The following C5 variants were observed in gnomAD, a reference collection of about 807,000 sequenced individuals.
C5 encodes the protein complement C5.
Under a neutral mutation model 218.8 loss-of-function variants are expected in C5, and 140 were observed. The ratio of observed to expected loss-of-function variants is 0.64; its 90% CI spans 0.56 to 0.74. The LOEUF (loss-of-function observed/expected upper bound fraction) is 0.74, where lower values mean the gene tolerates loss of function less well. Among genes scored for constraint, C5 ranks in the 30% least tolerant of loss-of-function variants. The pLI is 0.00. For synonymous variants in C5, 614 were observed against 682.3 expected (o/e 0.90, Z 1.56); for missense variants, 1,700 against 1,969.6 (o/e 0.86, Z 2.59).
At chr9:121,021,755 T>A in intron 10 of C5, 61 bp from the exon 11 acceptor site, 1 of 1,383,332 alleles carries the variant, frequency 7.2e-7, no homozygotes. Context: ...AAAGCACAAT[T>A]CTGAAATAAT....
rs779491895 is a variant in C5, at chr9:120,976,745, C to A, written c.3819G>T (p.Trp1273Cys). The A allele has an allele frequency of 6.2e-7, 1 of 1,614,112 alleles. No homozygotes were observed. The highest frequency in any genetic ancestry group is 1.1e-5 in the South Asian group (1 of 91,078). The change falls in exon 29 of 41, where the codon TGG (tryptophan) becomes TGT (cysteine). Residue 1273 changes from tryptophan to cysteine, a missense_variant. Transcript: ENST00000223642. Reference sequence around the variant, plus strand: ...CTCCATACCTCTGCTCTTCTGATAGCCATTTGATGACTGGGTTAACATAAT... The same window carrying A: ...CTCCATACCTCTGCTCTTCTGATAGACATTTGATGACTGGGTTAACATAAT... ...DINYVNPVIK[W>C]LSEEQRYGGG...
At chr9:120,957,254 T>G in intron 39 of C5, 31 bp downstream of exon 39, 1 of 1,449,230 alleles carries the variant, frequency 6.9e-7, no homozygotes, top group East Asian at 2.3e-5. Context: ...AGTTGCTGAA[T>G]GAAGGAACGA....
intron 26 of C5, among the ~76,000 whole-genome samples, chr9:120,982,378 G>A (rs1453485260): frequency 6.6e-6 from 1 of 152,090 alleles, no homozygotes; most frequent in African/African-American, 2.4e-5. Flanking sequence ...AATAAGCCCT[G>A]GGTCTATCTC....
At chr9:121,009,764 A>T (rs1368678806) in intron 17 of C5, among the ~76,000 whole-genome samples, 1 of 152,246 alleles carries the variant, frequency 6.6e-6, no homozygotes, top group Non-Finnish European at 1.5e-5. Flanking sequence ...GAGGGCAGGA[A>T]AGATAGTCTT....
chr9:121,048,760 G>T (rs7037330), intron 1 of C5, among the ~76,000 whole-genome samples: 114,224 of 144,006 alleles, frequency 0.79, 43,278 homozygotes, highest in East Asian at 0.96. Context: ...CTGCAGAGGA[G>T]CAGGAGCTTG....
At chr9:120,973,561 G>A (rs2046930303) in intron 30 of C5, among the ~76,000 whole-genome samples, 1 of 152,226 alleles carries the variant, frequency 6.6e-6, no homozygotes, top group Admixed American at 6.5e-5. Context: ...ATCAAGGGAA[G>A]TTGGGAATCA....
At chr9:120,978,604 A>G (rs1302323561) in intron 28 of C5, among the ~76,000 whole-genome samples, 2 of 152,240 alleles carry the variant, frequency 1.3e-5, no homozygotes, top group Non-Finnish European at 1.5e-5. Flanking sequence ...GGCACAAATC[A>G]TATTTTGTAG....
Position 121,017,772 on chromosome 9 carries a change from T to C in C5, c.1587A>G (p.Pro529=). The C allele has an allele frequency of 6.2e-7, 1 of 1,613,560 alleles. No homozygotes were observed. Among genetic ancestry groups the C allele is most frequent in the Non-Finnish European group, 8.5e-7 (1 of 1,179,526 alleles). ...SDASYQSINI[P]VTQNMVPSSR... ...ATGAAGGAACCATGTTCTGTGTTAC[T>C]GGAATGTTTATACTTTGATAAGATG... Residue 529 remains proline, a synonymous_variant, in exon 13 of 41, where the codon CCA becomes CCG. Transcript: ENST00000223642.
intron 25 of C5, among the ~76,000 whole-genome samples, chr9:120,984,744 C>G (rs1434187989): frequency 9.8e-6 from 1 of 101,548 alleles, no homozygotes; most frequent in Non-Finnish European, 1.8e-5. Flanking sequence ...TTTTTTCAGA[C>G]GGACTCTCTC....
chr9:120,997,481 C>T (rs1183117477), intron 21 of C5, 66 bp downstream of exon 21: 10 of 1,147,040 alleles, frequency 8.7e-6, no homozygotes, highest in African/African-American at 7.6e-5. Context: ...GTTTCTCTCC[C>T]CCCCCTTTCT....
rs763012703 is a variant in C5, at chr9:121,046,301, A to G, written c.148T>C (p.Phe50Leu). The G allele has an allele frequency of 6.2e-6, 10 of 1,610,304 alleles. No individual in the cohort carries two copies. Among genetic ancestry groups the G allele is most frequent in the Non-Finnish European group, 8.5e-6 (10 of 1,176,778 alleles). Reference sequence around the variant, plus strand: ...CTTTTAATAGAGATTGTTGCATCAAATGCTTCAGTGTATCCATAAACTTGA... The same window carrying G: ...CTTTTAATAGAGATTGTTGCATCAAGTGCTTCAGTGTATCCATAAACTTGA... ...VIQVYGYTEA[F>L]DATISIKSYP... Residue 50 changes from phenylalanine to leucine, a missense_variant, in exon 2 of 41, where the codon TTT becomes CTT. Transcript: ENST00000223642.
At chr9:120,966,986 G>C (rs978973766) in intron 33 of C5, among the ~76,000 whole-genome samples, 1 of 152,022 alleles carries the variant, frequency 6.6e-6, no homozygotes, top group Admixed American at 6.6e-5. Context: ...TAGGCTGAGC[G>C]TGGTGGCTCA....
chr9:121,008,433 A>G lies in C5; in HGVS notation c.2323T>C (p.Trp775Arg), dbSNP rs1338530780. The G allele has an allele frequency of 6.2e-7, 1 of 1,613,674 alleles. No homozygotes were observed. The highest frequency in any genetic ancestry group is 2.2e-5 in the East Asian group (1 of 44,836). The part of the protein sequence containing the change: ...IRSYFPESWL[W>R]EVHLVPRRKQ... ...CTTCTGGGAACAAGATGAACTTCCC[A>G]CAACCAGCTTTCTGGAAAATAACTC... Residue 775 changes from tryptophan to arginine, a missense_variant, in exon 18 of 41, where the codon TGG (tryptophan) becomes CGG (arginine). Transcript: ENST00000223642.
rs1175047327 is a variant in C5, at chr9:121,025,531, TTGAC to T, written c.919_922del (p.Val307LysfsTer8). On this transcript the variant is annotated frameshift_variant, in exon 9 of 41. Transcript: ENST00000223642. LOFTEE classifies it high-confidence loss of function. Reference sequence around the variant, plus strand: ...TTCTAAACTGTAGTATGACAGTTCTTTGACTGCTGTTTCAGAATCAAATGTGACT... The same window carrying T: ...TTCTAAACTGTAGTATGACAGTTCTTTGCTGTTTCAGAATCAAATGTGACT... 6.2e-7 allele frequency: 1 copy of T among 1,612,716 alleles called. No individual in the cohort carries two copies. The highest frequency in any genetic ancestry group is 1.3e-5 in the African/African-American group (1 of 74,986).
At chr9:120,974,647 C>T (rs560822168) in intron 30 of C5, 132 bp downstream of exon 30, 4 of 867,900 alleles carry the variant, frequency 4.6e-6, no homozygotes, top group Middle Eastern at 3.3e-4. Flanking sequence ...GCAGGCATCC[C>T]TGTTTAGGAC....
chr9:121,016,340 C>T lies in C5; in HGVS notation c.1910G>A (p.Gly637Asp). ...LEKSDLGCGA[G>D]GGLNNANVFH... is the part of the protein sequence containing the mutation. ...CACATTGGCATTGTTGAGGCCACCA[C>T]CTGCCCCACAGCCCAGATCACTCTT... The change falls in exon 15 of 41, where the codon GGT (glycine) becomes GAT (aspartate). Residue 637 changes from glycine (G) to aspartate (D), a missense_variant. Coordinates refer to ENST00000223642, the MANE Select transcript of C5 (RefSeq NM_001735.3). The T allele has an allele frequency of 6.2e-7, 1 of 1,614,084 alleles. No individual in the cohort carries two copies. The highest frequency in any genetic ancestry group is 1.1e-5 in the South Asian group (1 of 91,084).
intron 17 of C5, among the ~76,000 whole-genome samples, chr9:121,009,499 G>C (rs553023402): frequency 2.6e-5 from 4 of 152,224 alleles, no homozygotes; most frequent in Admixed American, 6.5e-5. Flanking sequence ...CCAGGAAGGA[G>C]GGGGCTGCAG....
At chr9:120,985,663 G>A (rs4837806) in intron 25 of C5, among the ~76,000 whole-genome samples, 97,260 of 151,922 alleles carry the variant, frequency 0.64, 31,259 homozygotes, top group East Asian at 0.78. Flanking sequence ...TAGATCTAAA[G>A]TAACTAAAAA....
At chr9:121,043,540 T>C (rs2047599169) in intron 2 of C5, among the ~76,000 whole-genome samples, 1 of 152,054 alleles carries the variant, frequency 6.6e-6, no homozygotes, top group East Asian at 1.9e-4. Context: ...CTTAGCTTTT[T>C]TTTTTTGAGA....
Sources: gnomAD v4.1 joint callset for allele counts (sites outside exome capture counted in the v4.1 genomes callset) on GRCh38, gnomAD v4.1.1 for gene constraint, MANE v1.5 for transcripts, NCBI Gene and HGNC (gene_info 2026-07-23, HGNC 2026-07-21) for gene names.